Variants in VIT observed in about 807,000 individuals in gnomAD.
VIT encodes vitrin.
In VIT, 99 loss-of-function variants were observed where a neutral mutation model predicts 78.0. That is an observed-to-expected ratio of 1.27 (90% CI 1.08 to 1.50). The LOEUF (loss-of-function observed/expected upper bound fraction) is 1.50. Ranked by LOEUF, VIT falls within the 40% of genes most tolerant of loss-of-function variation. VIT has a pLI of 0.00. For synonymous variants in VIT, 374 were observed against 334.3 expected, an observed-to-expected ratio of 1.12 and a Z score of -1.29; for missense variants, 1,126 against 875.3, an observed-to-expected ratio of 1.29 and a Z score of -3.61.
chr2:36,775,032 C>T lies in VIT; in HGVS notation c.767C>T (p.Ala256Val), dbSNP rs753575060. ...GIQRQDPSGA[A>V]FQKPVGADVS... ...CAAAGGCAAGATCCTTCAGGAGCTG[C>T]CTTCCAGAAACCTGTTGGAGCGGAT... The change falls in exon 9 of 16, where the codon GCC (alanine) becomes GTC (valine). Residue 256 changes from alanine to valine, a missense_variant. By Grantham distance (64) the Ala-to-Val change is moderately conservative. Transcript: ENST00000379242. 5.0e-6 allele frequency: 8 copies of T among 1,614,116 alleles called. No homozygotes were observed. In the South Asian group the frequency reaches 8.8e-5, roughly 18 times the overall value.
intron 4 of VIT, among the ~76,000 whole-genome samples, chr2:36,752,336 C>T (rs1278822372): frequency 6.6e-6 from 1 of 152,170 alleles, no homozygotes; most frequent in Non-Finnish European, 1.5e-5. Context: ...TGCCCACCCT[C>T]AGAACAGCAG....
chr2:36,785,707 G>A (rs1050173860), intron 11 of VIT, among the ~76,000 whole-genome samples: 1 of 152,150 alleles, frequency 6.6e-6, no homozygotes, highest in Non-Finnish European at 1.5e-5. Flanking sequence ...GGTACAAACA[G>A]GTGCCCTGAT....
At chr2:36,736,784 G>T (rs752958632) in intron 3 of VIT, among the ~76,000 whole-genome samples, 1 of 152,178 alleles carries the variant, frequency 6.6e-6, no homozygotes, top group African/African-American at 2.4e-5. Context: ...CACTTTCTCC[G>T]TCAAGTACTG....
At chr2:36,796,148 G>A (rs976704583) in intron 12 of VIT, among the ~76,000 whole-genome samples, 5 of 150,272 alleles carry the variant, frequency 3.3e-5, no homozygotes, top group African/African-American at 7.4e-5. Flanking sequence ...CAGCATAGTT[G>A]TAAGGCTAAA....
chr2:36,781,737 C>T lies in VIT; in HGVS notation c.813C>T (p.Asp271=). The T allele has an allele frequency of 6.2e-7, 1 of 1,614,098 alleles. No homozygotes were observed. ...AATTTTGAAAATCAGGAGAGATGGA[C>T]TCATGGAAACCTGGATCGGTCCTTT... ...VGADVSLGEM[D]SWKPGSVLLD... The change falls in exon 10 of 16, where the codon GAC becomes GAT. Residue 271 remains aspartate (D), a synonymous_variant. Transcript: ENST00000379242.
intron 7 of VIT, among the ~76,000 whole-genome samples, chr2:36,772,274 C>T (rs576305563): frequency 3.9e-5 from 6 of 152,066 alleles, no homozygotes; most frequent in East Asian, 3.9e-4. Context: ...CCGTGGCTCA[C>T]GCCTGTAATC....
intron 1 of VIT, among the ~76,000 whole-genome samples, chr2:36,715,546 T>TAAA (rs1013648620): frequency 8.2e-5 from 11 of 134,672 alleles, no homozygotes; most frequent in African/African-American, 3.0e-4. Context: ...AAAAAAAAAA[T>TAAA]AAAAAAAAAA....
chr2:36,706,390 C>T (rs925843753), intron 1 of VIT, among the ~76,000 whole-genome samples: 18 of 152,318 alleles, frequency 1.2e-4, no homozygotes, highest in African/African-American at 3.8e-4. Flanking sequence ...TGGCTCAAGT[C>T]AAAGGCTCAA....
At chr2:36,727,862 A>G (rs4670166) in intron 2 of VIT, among the ~76,000 whole-genome samples, 36,595 of 152,204 alleles carry the variant, frequency 0.24, 4,973 homozygotes, top group East Asian at 0.4. Context: ...AGCACATACC[A>G]TCATGTACAG....
intron 12 of VIT, among the ~76,000 whole-genome samples, chr2:36,794,668 G>A (rs934446136): frequency 5.3e-5 from 8 of 152,114 alleles, no homozygotes; most frequent in South Asian, 2.1e-4. Flanking sequence ...GTTTGATTAC[G>A]TTTGCCTTTA....
At chr2:36,754,659 G>C (rs558498818) in intron 4 of VIT, among the ~76,000 whole-genome samples, 1 of 152,136 alleles carries the variant, frequency 6.6e-6, no homozygotes, top group Non-Finnish European at 1.5e-5. Context: ...GAAATCTGAG[G>C]CATGGTGGCA....
chr2:36,737,361 T>C (rs1172891272), intron 3 of VIT, among the ~76,000 whole-genome samples: 7 of 152,162 alleles, frequency 4.6e-5, no homozygotes, highest in Non-Finnish European at 1.0e-4. Flanking sequence ...AAGCTTTTTT[T>C]CTTTGTCATT....
At chr2:36,795,200 G>A (rs1665786412) in intron 12 of VIT, among the ~76,000 whole-genome samples, 1 of 151,990 alleles carries the variant, frequency 6.6e-6, no homozygotes, top group Admixed American at 6.6e-5. Context: ...ACTCCTTAAA[G>A]TTTAAATTTA....
chr2:36,801,784 A>T (rs1666350573), intron 13 of VIT, among the ~76,000 whole-genome samples: 1 of 152,048 alleles, frequency 6.6e-6, no homozygotes, highest in Admixed American at 6.5e-5. Flanking sequence ...TGAAAAAAAA[A>T]AAAAAAAGGA....
Position 36,806,609 on chromosome 2 carries a change from C to T in VIT, c.1389+945C>T, listed in dbSNP as rs1244986936. 6.6e-5 allele frequency among the ~76,000 whole-genome samples: 10 copies of T among 152,154 alleles called. No homozygotes were observed. The East Asian group carries it at 9.6e-4, about 15-fold the overall frequency. On this transcript the variant is annotated intron_variant, in intron 14 of 15. Transcript: ENST00000379242. ...TCGCCCAGGCTGGAATGCAGTGGCG[C>T]GATCTCGGCTCACTGCAGTCTCCGC... is the stretch of plus-strand genomic sequence containing the variant.
At position 36,707,196 on chromosome 2, in the gene VIT, C is replaced by T. The variant is rs116571175; in HGVS notation, c.-18-9157C>T. On this transcript the variant is annotated intron_variant, in intron 1 of 15. Transcript: ENST00000379242. ...CAAGTGAAAGGGAAATGTATTATCT[C>T]ACATAACAGACAGTCCAGGGGCAGG... is the stretch of plus-strand genomic sequence containing the variant. 7.4e-3 allele frequency among the ~76,000 whole-genome samples: 1,125 copies of T among 152,278 alleles called. 9 individuals are homozygous for T. Among genetic ancestry groups the T allele is most frequent in the Middle Eastern group, 0.024 (7 of 294 alleles).
chr2:36,727,652 T>C (rs755534811), intron 2 of VIT, among the ~76,000 whole-genome samples: 2 of 152,210 alleles, frequency 1.3e-5, no homozygotes, highest in Non-Finnish European at 2.9e-5. Context: ...TAGACATCTC[T>C]TTTCTCCAAT....
intron 7 of VIT, among the ~76,000 whole-genome samples, chr2:36,768,083 C>G (rs926555513): frequency 6.6e-6 from 1 of 152,222 alleles, no homozygotes; most frequent in Admixed American, 6.5e-5. Flanking sequence ...ACCCTTCCCC[C>G]TCTCCGCTCC....
In VIT at chr2:36,722,069, G is replaced by A. The variant is rs576043147; in HGVS notation, c.52+5647G>A. Among the ~76,000 whole-genome samples the A allele has an allele frequency of 2.9e-3, 435 of 152,288 alleles. 4 individuals carry two copies. Among genetic ancestry groups the A allele is most frequent in the Non-Finnish European group, 4.4e-3 (298 of 68,022 alleles). On this transcript the variant is annotated intron_variant, in intron 2 of 15. Coordinates refer to ENST00000379242, the MANE Select transcript of VIT (RefSeq NM_053276.4). ...GACGCTGGATTTTTAAGGTATCGGA[G>A]CCATCCAAGGATCCCTCAAAAGCTC...
Sources: allele counts gnomAD v4.1 joint callset (sites outside exome capture counted in the v4.1 genomes callset), GRCh38; gene constraint gnomAD v4.1.1; transcripts MANE v1.5; gene names NCBI Gene and HGNC (gene_info 2026-07-23, HGNC 2026-07-21).